ANK2: variants seen among roughly 807,000 people sequenced by gnomAD.
The protein encoded by ANK2 is ankyrin 2.
Under a neutral mutation model 360.5 loss-of-function variants are expected in ANK2, and 83 were observed. The ratio of observed to expected loss-of-function variants is 0.23; its 90% CI spans 0.19 to 0.28. ANK2 has a LOEUF of 0.28. Among genes scored for constraint, ANK2 ranks in the 10% least tolerant of loss-of-function variants. The pLI, the probability that ANK2 is intolerant of heterozygous loss-of-function variation, is 1.00. For synonymous variants in ANK2, 1,740 were observed against 1,759.5 expected (o/e 0.99, Z 0.28); for missense variants, 4,201 against 4,795.7 (o/e 0.88, Z 3.66).
At chr4:112,710,548 A>T in the ANK2 span, among the ~76,000 whole-genome samples, 1 of 152,100 alleles carries the variant, frequency 6.6e-6, no homozygotes, top group Non-Finnish European at 1.5e-5. Flanking sequence ...ATACAAAAAA[A>T]TTAGCTGGGC....
chr4:112,967,558 G>T (rs1457275709), intron 2 of ANK2, among the ~76,000 whole-genome samples: 3 of 152,134 alleles, frequency 2.0e-5, no homozygotes, highest in Non-Finnish European at 2.9e-5. Flanking sequence ...TGTGAAAAGG[G>T]TTACTGAAAT....
At chr4:112,754,111 G>GTATATATA in the ANK2 span, among the ~76,000 whole-genome samples, 442 of 111,366 alleles carry the variant, frequency 4.0e-3, 6 homozygotes, top group African/African-American at 0.011. Context: ...AAAAAAAAAA[G>GTATATATA]TATATATATA....
At chr4:112,990,888 G>A (rs757200744) in intron 2 of ANK2, among the ~76,000 whole-genome samples, 1 of 152,134 alleles carries the variant, frequency 6.6e-6, no homozygotes, top group African/African-American at 2.4e-5. Context: ...ATTAAAGGAA[G>A]ACCACCTAAC....
At chr4:113,326,789 C>A (rs1055810254) in intron 26 of ANK2, among the ~76,000 whole-genome samples, 8 of 152,044 alleles carry the variant, frequency 5.3e-5, no homozygotes, top group Admixed American at 5.2e-4. Flanking sequence ...ATTGCTTGAG[C>A]CTAGGAGTTC....
chr4:112,810,168 T>A, the ANK2 span, among the ~76,000 whole-genome samples: 345 of 62,066 alleles, frequency 5.6e-3, no homozygotes, highest in East Asian at 0.012. Flanking sequence ...TATTTTTTTT[T>A]TTTTTTTTTT....
At chr4:113,205,563 T>G (rs755094976) in intron 4 of ANK2, among the ~76,000 whole-genome samples, 11 of 152,224 alleles carry the variant, frequency 7.2e-5, no homozygotes, top group Non-Finnish European at 1.6e-4. Context: ...AAGGCTTTCC[T>G]ATTTATAACT....
intron 2 of ANK2, among the ~76,000 whole-genome samples, chr4:112,991,393 C>T (rs528284455): frequency 6.6e-6 from 1 of 152,186 alleles, no homozygotes; most frequent in South Asian, 2.1e-4. Flanking sequence ...CTCAGATTTC[C>T]ATAACAAAAT....
At chr4:112,948,417 T>C (rs550080093) in intron 2 of ANK2, among the ~76,000 whole-genome samples, 6 of 152,090 alleles carry the variant, frequency 3.9e-5, no homozygotes, top group Non-Finnish European at 7.3e-5. Flanking sequence ...GTTTGGATAA[T>C]GAAAAGTAAC....
chr4:113,207,723 G>GAC (rs536545218), intron 4 of ANK2, among the ~76,000 whole-genome samples: 43 of 145,092 alleles, frequency 3.0e-4, no homozygotes, highest in African/African-American at 1.0e-3. Context: ...GTAAAAACAT[G>GAC]ACACGAATTA....
intron 1 of ANK2, among the ~76,000 whole-genome samples, chr4:113,088,307 G>A (rs2085893224): frequency 6.6e-6 from 1 of 152,200 alleles, no homozygotes; most frequent in Non-Finnish European, 1.5e-5. Context: ...CCTTTTGTTA[G>A]TGACTGGCAA....
At chr4:113,315,804 C>G (rs2082541766) in intron 24 of ANK2, among the ~76,000 whole-genome samples, 1 of 145,766 alleles carries the variant, frequency 6.9e-6, no homozygotes, top group Non-Finnish European at 1.5e-5. Context: ...GAGGCTGAGG[C>G]AGGAGAATGG....
intron 2 of ANK2, among the ~76,000 whole-genome samples, chr4:112,973,240 A>T (rs2040213463): frequency 6.6e-6 from 1 of 152,000 alleles, no homozygotes. Flanking sequence ...AACCTCAGAG[A>T]TTGAAATGCA....
At chr4:113,352,117 G>A (rs942011084) in intron 37 of ANK2, among the ~76,000 whole-genome samples, 5 of 152,088 alleles carry the variant, frequency 3.3e-5, no homozygotes, top group East Asian at 1.9e-4. Context: ...CTGCCCATAC[G>A]TTTCAGCAAG....
chr4:112,940,316 C>T (rs1361071978), intron 2 of ANK2, among the ~76,000 whole-genome samples: 3 of 152,018 alleles, frequency 2.0e-5, no homozygotes, highest in Non-Finnish European at 4.4e-5. Context: ...TTTGAGAAGC[C>T]GTTCTTAAAT....
intron 2 of ANK2, among the ~76,000 whole-genome samples, chr4:113,181,493 C>T (rs1319005563): frequency 1.3e-5 from 2 of 152,092 alleles, no homozygotes; most frequent in African/African-American, 2.4e-5. Flanking sequence ...GTCCTAGGTG[C>T]TGGGGATGGA....
chr4:113,256,001 C>G, intron 11 of ANK2, 69 bp downstream of exon 11: 1 of 1,524,386 alleles, frequency 6.6e-7, no homozygotes, highest in Non-Finnish European at 9.1e-7. Flanking sequence ...CATTGACCAA[C>G]ATGCATACAC....
At chr4:113,291,186 A>T (rs1028199324) in intron 20 of ANK2, among the ~76,000 whole-genome samples, 1 of 152,260 alleles carries the variant, frequency 6.6e-6, no homozygotes, top group South Asian at 2.1e-4. Flanking sequence ...AACTTGGCTG[A>T]TACTGAAAAG....
chr4:112,995,716 A>G (rs978607241), intron 2 of ANK2, among the ~76,000 whole-genome samples: 2 of 152,138 alleles, frequency 1.3e-5, no homozygotes, highest in African/African-American at 4.8e-5. Context: ...GGATTTTTAT[A>G]GTTTTAGATC....
At chr4:112,766,536 G>T in the ANK2 span, among the ~76,000 whole-genome samples, 1 of 151,982 alleles carries the variant, frequency 6.6e-6, no homozygotes, top group East Asian at 1.9e-4. Context: ...AGGGTCAAGT[G>T]GTATTATCTA....
Sources: gnomAD v4.1 joint callset for allele counts (sites outside exome capture counted in the v4.1 genomes callset) on GRCh38, gnomAD v4.1.1 for gene constraint, MANE v1.5 for transcripts, NCBI Gene and HGNC (gene_info 2026-07-23, HGNC 2026-07-21) for gene names.